The following COL5A3 variants were observed in gnomAD, a reference collection of about 807,000 sequenced individuals.
The protein encoded by COL5A3 is collagen type V alpha 3 chain.
A neutral mutation model predicts 250.0 loss-of-function variants in COL5A3; 172 were observed. That is an observed-to-expected ratio of 0.69 (90% CI 0.61 to 0.78). The LOEUF is 0.78. COL5A3 is among the 30% of genes least tolerant of loss of function. COL5A3 has a pLI of 0.00. For missense variants in COL5A3, 2,340 were observed against 2,334.4 expected (o/e 1.00, Z -0.05); for synonymous variants, 937 against 900.4 (o/e 1.04, Z -0.73).
At chr19:9,983,293 G>A (rs1000645119) in intron 31 of COL5A3, among the ~76,000 whole-genome samples, 1 of 151,828 alleles carries the variant, frequency 6.6e-6, no homozygotes, top group Non-Finnish European at 1.5e-5. Flanking sequence ...CTTGAAGCTG[G>A]GAGTTTGAGA....
intron 8 of COL5A3, among the ~76,000 whole-genome samples, chr19:9,999,303 C>A (rs1461041947): frequency 2.0e-5 from 3 of 151,338 alleles, no homozygotes; most frequent in Admixed American, 6.6e-5. Flanking sequence ...GTGATCCTCC[C>A]TCCTCAGCCT....
At position 9,968,457 on chromosome 19, in the gene COL5A3, C is replaced by T. The variant is rs537422545; in HGVS notation, c.4242G>A (p.Pro1414=). The change falls in exon 59 of 67, where the codon CCG becomes CCA. Residue 1414 remains proline, a synonymous_variant. Transcript: ENST00000264828. This position sits in a 1 kb window ranked among gnomAD's most constrained non-coding sequence, Gnocchi z 4.1. ...GATCTCCTTTCTCACCAGCTTCTCC[C>T]GGGGGGCCAATGAGACCGATCAATC... The part of the protein sequence containing the change: ...HIGLIGLIGP[P]GEAGEKGDQG... The T allele has an allele frequency of 6.1e-5, 97 of 1,588,068 alleles. No individual in the cohort carries two copies. Among genetic ancestry groups the T allele is most frequent in the Middle Eastern group, 3.4e-4 (2 of 5,948 alleles).
At chr19:9,964,199 G>A (rs1230655956) in intron 64 of COL5A3, among the ~76,000 whole-genome samples, 1 of 151,976 alleles carries the variant, frequency 6.6e-6, no homozygotes. Context: ...ATGGGGCTGG[G>A]CACAGTGGCT....
At position 9,969,365 on chromosome 19, in the gene COL5A3, C is replaced by T. The variant is rs2086796234; in HGVS notation, c.4136G>A (p.Gly1379Asp). 2 of 1,603,230 alleles carry T rather than the reference C, an allele frequency of 1.2e-6. No individual in the cohort carries two copies. The highest frequency in any genetic ancestry group is 2.2e-5 in the South Asian group (2 of 89,638). ...GTCTCTTACCAGGGGGCCAGGAGGG[C>T]CCATCTGTCCAGGGGCTCCCAGGAG... ...PGLLGAPGQM[G>D]PPGPLGPSGL... The change falls in exon 57 of 67, where the codon GGC becomes GAC. Residue 1379 changes from glycine (G) to aspartate (D), a missense_variant. Gly to Asp is a moderately conservative substitution (Grantham distance 94). Around this residue, in one of 3 missense-constraint regions of COL5A3, gnomAD observed 1,179 missense variants for 1,162.6 expected, o/e 1.01. Coordinates refer to ENST00000264828, the MANE Select transcript of COL5A3 (RefSeq NM_015719.4).
chr19:9,979,574 G>A (rs1051165406), intron 37 of COL5A3, among the ~76,000 whole-genome samples, 157 bp from the exon 38 acceptor site: 5 of 152,094 alleles, frequency 3.3e-5, no homozygotes, highest in Admixed American at 2.6e-4. Flanking sequence ...TGGGTCACTT[G>A]AAGCCAGGAG....
intron 1 of COL5A3, 44 bp downstream of exon 1, chr19:10,010,254 C>CT: frequency 7.9e-7 from 1 of 1,271,986 alleles, no homozygotes. Context: ...TAGAGCCTCT[C>CT]TGAGTCGTGG....
chr19:9,984,942 A>ATTTTTTTTTTTTTTTTTT (rs71188874), intron 31 of COL5A3, among the ~76,000 whole-genome samples: 4 of 83,008 alleles, frequency 4.8e-5, no homozygotes, highest in African/African-American at 1.5e-4. Flanking sequence ...CATCTGGCTA[A>ATTTTTTTTTTTTTTTTTT]TTTTTTTTTT....
At position 9,960,135 on chromosome 19, in the gene COL5A3, G is replaced by T. The variant is rs530651438; in HGVS notation, c.*276C>A. 90 of 497,108 alleles carry T rather than the reference G, an allele frequency of 1.8e-4. No homozygotes were observed. The highest frequency in any genetic ancestry group is 1.7e-3 in the African/African-American group (86 of 51,070). 30.8% of individuals were successfully genotyped at this position (497,108 alleles called of 1,614,324 possible). On this transcript the variant is annotated 3_prime_UTR_variant, in exon 67 of 67. Transcript: ENST00000264828. ...AGCTCATTGCATGGGGGTTCAAGGG[G>T]TGGGGAGGTGAGGCTTGGGTGGGGA... is the stretch of plus-strand genomic sequence containing the variant.
At chr19:9,997,140 A>G in intron 11 of COL5A3, 1 of 592,682 alleles carries the variant, frequency 1.7e-6, no homozygotes, top group Admixed American at 3.0e-5. Context: ...GATAAAAGAC[A>G]CTCAGAAACA....
At chr19:10,001,211 T>C (rs766592190) in intron 8 of COL5A3, among the ~76,000 whole-genome samples, 4 of 152,020 alleles carry the variant, frequency 2.6e-5, no homozygotes, top group Non-Finnish European at 5.9e-5. Context: ...AGTGGCACGA[T>C]CTTGGCTCAT....
Position 9,982,154 on chromosome 19 carries a change from G to A in COL5A3, c.2407-36C>T, listed in dbSNP as rs200829993. 44 of 1,483,774 alleles carry A rather than the reference G, an allele frequency of 3.0e-5. No individual in the cohort carries two copies. In the East Asian group the frequency reaches 9.0e-4, roughly 30 times the overall value. The allele number at this position is 1,483,774 out of a possible 1,614,324, so 91.9% of individuals were successfully genotyped here. ...AGAATTAGAAAGAAGACATGAGGGT[G>A]AGGAGTGAGTGGTGGGTGGAATTGG... On this transcript the variant is annotated intron_variant, in intron 31 of 66. Coordinates refer to ENST00000264828, the MANE Select transcript of COL5A3 (RefSeq NM_015719.4).
Position 9,977,212 on chromosome 19 carries a change from T to G in COL5A3, c.3288+17A>C. 7.4e-7 allele frequency: 1 copy of G among 1,354,076 alleles called. No individual in the cohort carries two copies. The highest frequency in any genetic ancestry group is 2.4e-5 in the East Asian group (1 of 41,784). The allele number at this position is 1,354,076 out of a possible 1,614,324, so 83.9% of individuals were successfully genotyped here. Reference sequence around the variant, plus strand: ...CGCTACCCACCCCACCCTGCCCCACTGGGGACCTTCACTCACCGCGTCTCC... The same window carrying G: ...CGCTACCCACCCCACCCTGCCCCACGGGGGACCTTCACTCACCGCGTCTCC... On this transcript the variant is annotated intron_variant, in intron 44 of 66. Transcript: ENST00000264828.
intron 36 of COL5A3, 26 bp downstream of exon 36, chr19:9,979,968 C>A (rs1445811661): frequency 1.3e-6 from 2 of 1,578,040 alleles, no homozygotes; most frequent in East Asian, 2.3e-5. Context: ...ACCCACCCAA[C>A]CCCCAATGAG....
At chr19:9,965,712 C>T (rs1044006432) in intron 64 of COL5A3, among the ~76,000 whole-genome samples, 1 of 152,210 alleles carries the variant, frequency 6.6e-6, no homozygotes, top group African/African-American at 2.4e-5. Context: ...GCTTGGCCTC[C>T]CAAAGTGCTG....
rs763952219 is a variant in COL5A3 at position 9,996,228 on chromosome 19, A to G, written c.1457T>C (p.Leu486Pro). 1.3e-6 allele frequency: 2 copies of G among 1,577,614 alleles called. No homozygotes were observed. Among genetic ancestry groups the G allele is most frequent in the Non-Finnish European group, 1.7e-6 (2 of 1,164,038 alleles). ...SMKGPPGPVG[L>P]TGRPGPVGLP... ...CACCACAGGGCCTGGGCGCCCAGTG[A>G]GCCCCACTGGACCAGGGGGGCCTTT... Residue 486 changes from leucine (L) to proline (P), a missense_variant, in exon 14 of 67, where the codon CTC (leucine) becomes CCC (proline). Leu to Pro is a moderately conservative substitution (Grantham distance 98). Around this residue, in one of 3 missense-constraint regions of COL5A3, gnomAD observed 1,152 missense variants for 1,146.3 expected, o/e 1.00. Transcript: ENST00000264828.
At chr19:9,989,018 C>T (rs1225612068) in intron 27 of COL5A3, 106 bp downstream of exon 27, 3 of 1,212,928 alleles carry the variant, frequency 2.5e-6, no homozygotes, top group Admixed American at 3.4e-5. Flanking sequence ...TTTGGCCTGG[C>T]CAACTGATTC....
In COL5A3 at chr19:9,980,977, T is replaced by C. The variant is rs2145095240; in HGVS notation, c.2505+111A>G. On this transcript the variant is annotated intron_variant, in intron 33 of 66. Coordinates refer to ENST00000264828, the MANE Select transcript of COL5A3 (RefSeq NM_015719.4). ...TCCCTCTCCTGCCCGACCAGGGACATTGATATAACCCAAACCCTTTCCCTG... is the reference window on the plus strand; with the variant it reads ...TCCCTCTCCTGCCCGACCAGGGACACTGATATAACCCAAACCCTTTCCCTG... 1.3e-6 allele frequency: 2 copies of C among 1,503,840 alleles called. 1 individual carries two copies. Among genetic ancestry groups the C allele is most frequent in the East Asian group, 4.5e-5 (2 of 44,184 alleles). 93.2% of individuals were successfully genotyped at this position (1,503,840 alleles called of 1,614,324 possible). A position where few individuals can be genotyped will look rare whatever the true frequency, so the allele number is the denominator to read the frequency against.
chr19:9,968,283 C>T lies in COL5A3; in HGVS notation c.4314+102G>A. ...ATCCCCCTATTTTCCCCACACACAC[C>T]CTCATTAATCCAGACCCACGTTTCC... On this transcript the variant is annotated intron_variant, in intron 59 of 66. Coordinates refer to ENST00000264828, the MANE Select transcript of COL5A3 (RefSeq NM_015719.4). This position sits in a 1 kb window ranked among gnomAD's most constrained non-coding sequence, Gnocchi z 4.1. 1 of 1,089,976 alleles carries T rather than the reference C, an allele frequency of 9.2e-7. No homozygotes were observed. The highest frequency in any genetic ancestry group is 1.4e-6 in the Non-Finnish European group (1 of 733,808). The allele number at this position is 1,089,976 out of a possible 1,614,324, so 67.5% of individuals were successfully genotyped here. A position where few individuals can be genotyped will look rare whatever the true frequency, so the allele number is the denominator to read the frequency against.
chr19:10,002,984 T>C (rs1326050790), intron 6 of COL5A3, among the ~76,000 whole-genome samples: 1 of 152,086 alleles, frequency 6.6e-6, no homozygotes, highest in African/African-American at 2.4e-5. Context: ...AATAATGGTT[T>C]CTATCCATGA....
Sources: gnomAD v4.1 joint callset for allele counts (sites outside exome capture counted in the v4.1 genomes callset) on GRCh38, gnomAD v4.1.1 for gene constraint, gnomAD v4.1.1 regional missense constraint, Gnocchi (gnomAD v3.1) non-coding constraint, MANE v1.5 for transcripts, NCBI Gene and HGNC (gene_info 2026-07-23, HGNC 2026-07-21) for gene names.